Variants in MDGA2 observed in about 807,000 individuals in gnomAD.
MDGA2 encodes the protein MAM domain-containing glycosylphosphatidylinositol anchor protein 2.
A neutral mutation model predicts 117.8 loss-of-function variants in MDGA2; 40 were observed. The observed-to-expected ratio is 0.34, with a 90% CI of 0.26 to 0.44. MDGA2 has a LOEUF of 0.44. Ranked by LOEUF, MDGA2 falls within the 20% of genes least tolerant of loss-of-function variation. The pLI is 1.00. For missense variants in MDGA2, 1,123 were observed against 1,250.6 expected (o/e 0.90, Z 1.54); for synonymous variants, 452 against 439.0 (o/e 1.03, Z -0.37).
At chr14:47,626,510 G>C (rs1342078314) in intron 1 of MDGA2, 1 of 152,776 alleles carries the variant, frequency 6.5e-6, no homozygotes, top group Non-Finnish European at 1.5e-5. Flanking sequence ...TTTCTGGGCT[G>C]GCCAAGGCTG....
chr14:46,999,411 A>G (rs1364739550), intron 8 of MDGA2, among the ~76,000 whole-genome samples: 1 of 152,112 alleles, frequency 6.6e-6, no homozygotes, highest in Non-Finnish European at 1.5e-5. Flanking sequence ...GCAAAACTAG[A>G]TTCATCATTA....
intron 6 of MDGA2, among the ~76,000 whole-genome samples, chr14:47,065,581 T>C (rs894498993): frequency 2.3e-4 from 35 of 152,334 alleles, no homozygotes; most frequent in African/African-American, 8.4e-4. Context: ...GTATCTTGAT[T>C]GTAGTTTTAG....
chr14:47,244,466 AT>A (rs952957048), intron 2 of MDGA2, among the ~76,000 whole-genome samples: 1 of 151,638 alleles, frequency 6.6e-6, no homozygotes, highest in Non-Finnish European at 1.5e-5. Context: ...TATCTAACAT[AT>A]TTTTTTGGCC....
rs1350963882 is a variant in MDGA2 at position 47,561,144 on chromosome 14, T to TG, written c.280+113372_280+113373insC. 4.2e-4 allele frequency among the ~76,000 whole-genome samples: 37 copies of TG among 87,222 alleles called. No individual in the cohort carries two copies. The East Asian group carries it at 0.011, about 26-fold the overall frequency. The allele number at this position is 87,222 out of a possible 152,430, so 57.2% of individuals were successfully genotyped here. On this transcript the variant is annotated intron_variant, in intron 1 of 16. Transcript: ENST00000399232. The stretch of plus-strand genomic sequence containing the variant: ...CTAGCATGATACCTCTATCTTTGTT[T>TG]TTTTTTTTGTTTTGTTTTGTTTTTT...
chr14:47,288,883 G>T (rs1022342953), intron 2 of MDGA2, among the ~76,000 whole-genome samples: 1 of 152,036 alleles, frequency 6.6e-6, no homozygotes, highest in Non-Finnish European at 1.5e-5. Flanking sequence ...CAGAAAGATT[G>T]TTATTCCTTA....
At chr14:47,593,395 G>A (rs546651263) in intron 1 of MDGA2, among the ~76,000 whole-genome samples, 1 of 152,066 alleles carries the variant, frequency 6.6e-6, no homozygotes, top group Non-Finnish European at 1.5e-5. Context: ...ATACCCAAAG[G>A]AATGTATCAT....
chr14:47,179,700 G>C (rs1356867042), intron 3 of MDGA2, among the ~76,000 whole-genome samples: 6 of 151,916 alleles, frequency 3.9e-5, no homozygotes, highest in Admixed American at 2.0e-4. Flanking sequence ...ACAGAGGTAG[G>C]TGAAGAATGT....
At chr14:47,505,354 T>C (rs886726706) in intron 1 of MDGA2, among the ~76,000 whole-genome samples, 1 of 152,136 alleles carries the variant, frequency 6.6e-6, no homozygotes, top group Admixed American at 6.5e-5. Flanking sequence ...AAAGGGGCTT[T>C]TGAATGTTCT....
intron 3 of MDGA2, among the ~76,000 whole-genome samples, chr14:47,199,071 G>A (rs1389227722): frequency 6.6e-6 from 1 of 152,010 alleles, no homozygotes; most frequent in African/African-American, 2.4e-5. Flanking sequence ...ATTCAAGACT[G>A]AAACATTAAT....
chr14:47,491,066 A>G (rs1302205519), intron 1 of MDGA2, among the ~76,000 whole-genome samples: 2 of 152,172 alleles, frequency 1.3e-5, no homozygotes, highest in Non-Finnish European at 2.9e-5. Context: ...ATAGATAAAC[A>G]AATCTAATCA....
intron 1 of MDGA2, among the ~76,000 whole-genome samples, chr14:47,647,431 CA>C (rs144236928): frequency 1.1e-3 from 163 of 145,854 alleles, no homozygotes; most frequent in African/African-American, 1.6e-3. Flanking sequence ...TTTAAAAAGG[CA>C]AAAAAAAAAT....
At chr14:47,052,582 T>C (rs1889496650) in intron 7 of MDGA2, among the ~76,000 whole-genome samples, 1 of 151,914 alleles carries the variant, frequency 6.6e-6, no homozygotes, top group South Asian at 2.1e-4. Context: ...CAGGAAATAA[T>C]AGAATACTCT....
At chr14:47,300,608 G>A (rs1889243691) in intron 2 of MDGA2, among the ~76,000 whole-genome samples, 1 of 151,838 alleles carries the variant, frequency 6.6e-6, no homozygotes, top group Admixed American at 6.6e-5. Flanking sequence ...TCCCACGTCA[G>A]CCTCCAGAGT....
At chr14:47,127,288 C>T (rs1178928448) in intron 5 of MDGA2, among the ~76,000 whole-genome samples, 1 of 152,064 alleles carries the variant, frequency 6.6e-6, no homozygotes, top group Non-Finnish European at 1.5e-5. Context: ...TCCTCTTCCA[C>T]TATTAAAAGA....
At chr14:47,003,072 T>C (rs1887587385) in intron 8 of MDGA2, among the ~76,000 whole-genome samples, 1 of 152,130 alleles carries the variant, frequency 6.6e-6, no homozygotes, top group African/African-American at 2.4e-5. Context: ...TTGCATTTTC[T>C]AGAATTAATG....
At chr14:47,214,864 A>C (rs17118173) in intron 3 of MDGA2, among the ~76,000 whole-genome samples, 35,445 of 152,058 alleles carry the variant, frequency 0.23, 4,559 homozygotes, top group East Asian at 0.34. Context: ...GCATTACATT[A>C]ATATATACAT....
chr14:46,927,952 G>A (rs1884393784), intron 9 of MDGA2, among the ~76,000 whole-genome samples: 1 of 152,120 alleles, frequency 6.6e-6, no homozygotes, highest in Non-Finnish European at 1.5e-5. Flanking sequence ...TTACTGATTA[G>A]TTAAATAATA....
At chr14:47,501,415 A>G (rs868438648) in intron 1 of MDGA2, among the ~76,000 whole-genome samples, 3 of 152,190 alleles carry the variant, frequency 2.0e-5, no homozygotes, top group Non-Finnish European at 4.4e-5. Context: ...AATCAAGGAA[A>G]CCTGAATAAG....
chr14:47,645,529 C>G (rs1028123677), intron 1 of MDGA2, among the ~76,000 whole-genome samples: 1 of 151,716 alleles, frequency 6.6e-6, no homozygotes, highest in Admixed American at 6.6e-5. Context: ...CCACCGCGCC[C>G]GGCCCAATTC....
Sources: allele counts gnomAD v4.1 joint callset (sites outside exome capture counted in the v4.1 genomes callset), GRCh38; gene constraint gnomAD v4.1.1; transcripts MANE v1.5; gene names NCBI Gene and HGNC (gene_info 2026-07-23, HGNC 2026-07-21).